DNMT3A: variants seen among roughly 807,000 people sequenced by gnomAD.
DNMT3A encodes the protein DNA methyltransferase 3 alpha.
In DNMT3A, 267 loss-of-function variants were observed where a neutral mutation model predicts 117.6. The ratio of observed to expected loss-of-function variants is 2.27; its 90% confidence interval spans 2.05 to 2.51. The LOEUF (loss-of-function observed/expected upper bound fraction) is 2.51, where lower values mean the gene tolerates loss of function less well. DNMT3A is among the 30% of genes most tolerant of loss of function. The pLI is 0.00. For synonymous variants in DNMT3A, 432 were observed against 474.8 expected (o/e 0.91, Z 1.17); for missense variants, 1,029 against 1,260.2 (o/e 0.82, Z 2.78).
At chr2:25,314,726 C>G (rs2034298158) in intron 1 of DNMT3A, 1 of 985,352 alleles carries the variant, frequency 1.0e-6, no homozygotes, top group African/African-American at 1.7e-5. Context: ...TGGCTCTGGC[C>G]TAGGAGGGAG....
chr2:25,275,132 C>A, intron 5 of DNMT3A, 45 bp from the exon 6 acceptor site: 1 of 1,514,364 alleles, frequency 6.6e-7, no homozygotes, highest in Non-Finnish European at 8.9e-7. Context: ...TGGGCACTGA[C>A]GGACCCACCA....
At position 25,314,106 on chromosome 2, in the gene DNMT3A, CCCTCTGGTGAACGGTG is replaced by C; in HGVS notation, c.-138_-123del. 1 of 1,433,182 alleles carries C rather than the reference CCCTCTGGTGAACGGTG, an allele frequency of 7.0e-7. No homozygotes were observed. The allele number at this position is 1,433,182 out of a possible 1,614,324, so 88.8% of individuals were successfully genotyped here. ...CTTAAACATAGATCCCGGTGTTGAG[CCCTCTGGTGAACGGTG>C]CCTCTGTCAGCCTGTGGGTGGGGGC... is the stretch of plus-strand genomic sequence containing the variant. On this transcript the variant is annotated 5_prime_UTR_variant, in exon 2 of 23. Transcript: ENST00000321117.
chr2:25,239,537 A>G, intron 19 of DNMT3A: 1 of 560,600 alleles, frequency 1.8e-6, no homozygotes, highest in Non-Finnish European at 3.5e-6. Context: ...AATGTGATTG[A>G]GGAGCTGAAT....
At chr2:25,324,062 G>A (rs1487724913) in intron 1 of DNMT3A, among the ~76,000 whole-genome samples, 1 of 152,202 alleles carries the variant, frequency 6.6e-6, no homozygotes, top group Non-Finnish European at 1.5e-5. Context: ...AGAAAACAAA[G>A]TTTCCAGTCA....
chr2:25,271,333 A>G (rs1050629597), intron 6 of DNMT3A, among the ~76,000 whole-genome samples: 9 of 152,226 alleles, frequency 5.9e-5, no homozygotes, highest in Non-Finnish European at 1.2e-4. Context: ...CTTGACAACA[A>G]GAGTGAAACT....
chr2:25,315,466 C>T (rs2034333622), intron 1 of DNMT3A, among the ~76,000 whole-genome samples: 1 of 152,192 alleles, frequency 6.6e-6, no homozygotes, highest in Non-Finnish European at 1.5e-5. Context: ...AGCCCAGGTG[C>T]ACTGCGTCCA....
chr2:25,274,798 C>T, intron 6 of DNMT3A, 143 bp downstream of exon 6: 2 of 1,231,012 alleles, frequency 1.6e-6, no homozygotes, highest in Non-Finnish European at 2.2e-6. Context: ...GCTGAAGGAG[C>T]AGATGAACCA....
At chr2:25,288,157 A>G (rs1218269598) in intron 3 of DNMT3A, among the ~76,000 whole-genome samples, 1 of 144,748 alleles carries the variant, frequency 6.9e-6, no homozygotes, top group Non-Finnish European at 1.5e-5. Context: ...TTTTTTGGCC[A>G]GGCATGGTGG....
intron 6 of DNMT3A, among the ~76,000 whole-genome samples, chr2:25,251,341 GC>G (rs1417906382): frequency 1.3e-5 from 2 of 151,726 alleles, no homozygotes; most frequent in African/African-American, 4.9e-5. Context: ...CGAGGCTCTC[GC>G]ATTTGGGCTG....
chr2:25,287,914 A>G lies in DNMT3A; in HGVS notation c.178-5203T>C, dbSNP rs1254602657. Among the ~76,000 whole-genome samples the G allele has an allele frequency of 2.0e-5, 3 of 151,350 alleles. No individual in the cohort carries two copies. In the East Asian group the frequency reaches 5.9e-4, roughly 30 times the overall value. ...CAGTGGTGCAATCTCGGCTCACTAC[A>G]ACCTCCACCTCCTGGGTTCAAGCGA... On this transcript the variant is annotated intron_variant, in intron 3 of 22. Transcript: ENST00000321117.
chr2:25,325,354 G>A (rs2149441493), intron 1 of DNMT3A, among the ~76,000 whole-genome samples: 1 of 152,302 alleles, frequency 6.6e-6, no homozygotes, highest in East Asian at 1.9e-4. Flanking sequence ...GAGTCCATGT[G>A]AGAATCAGAC....
chr2:25,235,839 A>T lies in DNMT3A; in HGVS notation c.2479-14T>A. ...CACTTTGCTGAACTAGATGAAGAGG[A>T]GAAAAGAGGAATAAGCACGAATTCA... is the stretch of plus-strand genomic sequence containing the variant. On this transcript the variant is annotated splice_polypyrimidine_tract_variant and intron_variant, in intron 21 of 22. Coordinates refer to ENST00000321117, the MANE Select transcript of DNMT3A (RefSeq NM_022552.5). 1 of 1,606,236 alleles carries T rather than the reference A, an allele frequency of 6.2e-7. No homozygotes were observed. The highest frequency in any genetic ancestry group is 8.5e-7 in the Non-Finnish European group (1 of 1,172,916).
At chr2:25,253,690 T>C (rs1282909488) in intron 6 of DNMT3A, among the ~76,000 whole-genome samples, 2 of 152,138 alleles carry the variant, frequency 1.3e-5, no homozygotes, top group Non-Finnish European at 1.5e-5. Context: ...CTAGTTGCCG[T>C]TGGCAAGATG....
chr2:25,299,328 A>G (rs1016701979), intron 3 of DNMT3A, among the ~76,000 whole-genome samples: 2 of 151,984 alleles, frequency 1.3e-5, no homozygotes, highest in African/African-American at 2.4e-5. Context: ...TTCCTTCCCC[A>G]GGGCCCTGGT....
chr2:25,326,100 TGATA>T (rs1224568001), intron 1 of DNMT3A, among the ~76,000 whole-genome samples: 1 of 123,944 alleles, frequency 8.1e-6, no homozygotes, highest in Non-Finnish European at 1.6e-5. Flanking sequence ...TCTATTAACT[TGATA>T]TATATGTGTG....
Position 25,282,562 on chromosome 2 carries a change from C to G in DNMT3A, c.327G>C (p.Gly109=), listed in dbSNP as rs748287529. ...PQPEEGSPAG[G]QKGGAPAEGE... is the part of the protein sequence containing the mutation. ...CCTCTGCTGGGGCCCCGCCCTTCTG[C>G]CCCCCAGCAGGGCTCCCCTCCTCTG... Residue 109 remains glycine, a synonymous_variant, in exon 4 of 23, where the codon GGG becomes GGC. Coordinates refer to ENST00000321117, the MANE Select transcript of DNMT3A (RefSeq NM_022552.5). The surrounding 1 kb of genome is among the most constrained non-coding windows in gnomAD (Gnocchi z 5.2). 6 of 1,613,266 alleles carry G rather than the reference C, an allele frequency of 3.7e-6. No individual in the cohort carries two copies. Among genetic ancestry groups the G allele is most frequent in the Admixed American group, 1.7e-5 (1 of 59,976 alleles).
chr2:25,241,777 C>A, intron 16 of DNMT3A, 70 bp from the exon 17 acceptor site: 1 of 1,572,806 alleles, frequency 6.4e-7, no homozygotes, highest in Non-Finnish European at 8.6e-7. Context: ...GGCAGGTGAG[C>A]CTGCTGGCCA....
In DNMT3A at chr2:25,261,307, C is replaced by T. The variant is rs534368609; in HGVS notation, c.640-13055G>A. 1.9e-4 allele frequency among the ~76,000 whole-genome samples: 29 copies of T among 151,962 alleles called. No individual in the cohort carries two copies. In the East Asian group the frequency reaches 5.0e-3, roughly 26 times the overall value. ...TACAAAAATTAGCCAGGCATGGTGG[C>T]GTGTGCCTATAGTCCCAGCTACTCA... On this transcript the variant is annotated intron_variant, in intron 6 of 22. Transcript: ENST00000321117.
chr2:25,300,684 G>C lies in DNMT3A; in HGVS notation c.73-441C>G, dbSNP rs1481668068. 7.8e-3 allele frequency among the ~76,000 whole-genome samples: 283 copies of C among 36,382 alleles called. 20 individuals carry two copies. Among genetic ancestry groups the C allele is most frequent in the Non-Finnish European group, 0.012 (233 of 18,706 alleles). 23.9% of individuals were successfully genotyped at this position (36,382 alleles called of 152,430 possible). A position where few individuals can be genotyped will look rare whatever the true frequency, so the allele number is the denominator to read the frequency against. ...AATATATTATTTAGATATATATTTA[G>C]ATATATATTTATATATCTAAATAAT... On this transcript the variant is annotated intron_variant, in intron 2 of 22. Coordinates refer to ENST00000321117, the MANE Select transcript of DNMT3A (RefSeq NM_022552.5).
Sources: allele counts gnomAD v4.1 joint callset (sites outside exome capture counted in the v4.1 genomes callset), GRCh38; gene constraint gnomAD v4.1.1; non-coding constraint Gnocchi (gnomAD v3.1); transcripts MANE v1.5; gene names NCBI Gene and HGNC (gene_info 2026-07-23, HGNC 2026-07-21).